The following GPC5 variants were observed in gnomAD, a reference collection of about 807,000 sequenced individuals.
The protein encoded by GPC5 is glypican-5.
In GPC5, 47 loss-of-function variants were observed where a neutral mutation model predicts 53.9. That is an observed-to-expected ratio of 0.87 (90% CI 0.69 to 1.11). The LOEUF (loss-of-function observed/expected upper bound fraction) is 1.11, where lower values mean the gene tolerates loss of function less well. Ranked by LOEUF, GPC5 falls within the 50% of genes most tolerant of loss-of-function variation. The pLI is 0.00. For synonymous variants in GPC5, 286 were observed against 263.3 expected, an observed-to-expected ratio of 1.09 and a Z score of -0.84; for missense variants, 748 against 713.1, an observed-to-expected ratio of 1.05 and a Z score of -0.56.
At chr13:92,083,528 C>T (rs1430447495) in intron 6 of GPC5, among the ~76,000 whole-genome samples, 1 of 152,074 alleles carries the variant, frequency 6.6e-6, no homozygotes, top group Non-Finnish European at 1.5e-5. Flanking sequence ...ACATATGTAA[C>T]AAACCTGCAC....
chr13:91,683,960 G>A (rs2035565366), intron 2 of GPC5, among the ~76,000 whole-genome samples: 1 of 152,200 alleles, frequency 6.6e-6, no homozygotes, highest in Non-Finnish European at 1.5e-5. Context: ...TTCTGCTGAA[G>A]CAGCTGTTAT....
chr13:92,599,578 G>A (rs1227259684), intron 7 of GPC5, among the ~76,000 whole-genome samples: 4 of 152,210 alleles, frequency 2.6e-5, no homozygotes, highest in South Asian at 4.1e-4. Flanking sequence ...CCATATTAAT[G>A]AGTTTGGAAT....
At chr13:92,849,205 A>G (rs981860257) in intron 7 of GPC5, among the ~76,000 whole-genome samples, 1 of 152,044 alleles carries the variant, frequency 6.6e-6, no homozygotes, top group African/African-American at 2.4e-5. Context: ...TGCTCTATGG[A>G]TATCTTCATG....
At chr13:91,635,152 A>G (rs1021369513) in intron 2 of GPC5, among the ~76,000 whole-genome samples, 1 of 152,084 alleles carries the variant, frequency 6.6e-6, no homozygotes, top group African/African-American at 2.4e-5. Flanking sequence ...AGGGCCTCCA[A>G]CCTTAATTTC....
intron 7 of GPC5, among the ~76,000 whole-genome samples, chr13:92,208,219 C>T (rs1028720509): frequency 3.3e-5 from 5 of 152,176 alleles, no homozygotes; most frequent in Admixed American, 6.6e-5. Flanking sequence ...GGGGTTCTTC[C>T]GATGGCATTG....
chr13:91,667,239 C>T (rs3864178), intron 2 of GPC5, among the ~76,000 whole-genome samples: 38,217 of 152,066 alleles, frequency 0.25, 6,663 homozygotes, highest in African/African-American at 0.49. Context: ...TATCACTTAT[C>T]TTGCATAATG....
intron 5 of GPC5, among the ~76,000 whole-genome samples, chr13:91,889,064 G>C (rs2039357100): frequency 6.6e-6 from 1 of 152,164 alleles, no homozygotes; most frequent in African/African-American, 2.4e-5. Flanking sequence ...CTTTTCTTGA[G>C]TGAACTGTGT....
At chr13:91,520,355 C>T (rs1321357716) in intron 2 of GPC5, among the ~76,000 whole-genome samples, 9 of 152,094 alleles carry the variant, frequency 5.9e-5, no homozygotes, top group Non-Finnish European at 1.2e-4. Context: ...AAACATCAGT[C>T]TAGATCTTGC....
chr13:92,081,188 G>A (rs995821051), intron 6 of GPC5, among the ~76,000 whole-genome samples: 9 of 151,862 alleles, frequency 5.9e-5, no homozygotes, highest in African/African-American at 1.2e-4. Flanking sequence ...TGCAACTTCC[G>A]CCTCCCGGGT....
At chr13:91,955,801 A>G (rs982506413) in intron 6 of GPC5, among the ~76,000 whole-genome samples, 7 of 152,116 alleles carry the variant, frequency 4.6e-5, no homozygotes, top group Non-Finnish European at 8.8e-5. Context: ...TCCCCAACAG[A>G]CTGTATCCTG....
At chr13:91,774,810 A>T (rs557452403) in intron 5 of GPC5, among the ~76,000 whole-genome samples, 1 of 152,154 alleles carries the variant, frequency 6.6e-6, no homozygotes, top group Non-Finnish European at 1.5e-5. Flanking sequence ...TCCTGGTGGG[A>T]TCAGAGGAGA....
chr13:92,647,145 G>A (rs4439614), intron 7 of GPC5, among the ~76,000 whole-genome samples: 36,241 of 151,742 alleles, frequency 0.24, 5,029 homozygotes, highest in South Asian at 0.39. Context: ...TAAGACCTCA[G>A]CCTAATGTTG....
At chr13:91,855,815 T>A (rs1233613789) in intron 5 of GPC5, among the ~76,000 whole-genome samples, 9 of 151,604 alleles carry the variant, frequency 5.9e-5, no homozygotes, top group Non-Finnish European at 5.9e-5. Flanking sequence ...ATTTTAGTTT[T>A]TTATTATTAT....
chr13:92,603,722 A>G (rs946792169), intron 7 of GPC5, among the ~76,000 whole-genome samples: 8 of 152,184 alleles, frequency 5.3e-5, no homozygotes, highest in Non-Finnish European at 8.8e-5. Flanking sequence ...TTACATTTGA[A>G]GTGAGTGGTT....
chr13:91,808,065 A>G (rs1343420734), intron 5 of GPC5, among the ~76,000 whole-genome samples: 4 of 152,158 alleles, frequency 2.6e-5, no homozygotes, highest in African/African-American at 9.6e-5. Context: ...GAACCACATT[A>G]TCTATTACTT....
At position 92,632,631 on chromosome 13, in the gene GPC5, C is replaced by G. The variant is rs149562110; in HGVS notation, c.1562-233651C>G. On this transcript the variant is annotated intron_variant, in intron 7 of 7. Coordinates refer to ENST00000377067, the MANE Select transcript of GPC5 (RefSeq NM_004466.6). ...CTAGGACTGTAAACTGTATTTATATCAGATAAAATAGATAAACAATTCTAT... is the reference window on the plus strand; with the variant it reads ...CTAGGACTGTAAACTGTATTTATATGAGATAAAATAGATAAACAATTCTAT... Among the ~76,000 whole-genome samples the G allele has an allele frequency of 5.5e-3, 828 of 151,892 alleles. 28 individuals carry two copies. Among genetic ancestry groups the G allele is most frequent in the Admixed American group, 0.04 (607 of 15,220 alleles).
chr13:91,504,653 C>T (rs1056186025), intron 2 of GPC5, among the ~76,000 whole-genome samples: 4 of 151,980 alleles, frequency 2.6e-5, no homozygotes, highest in South Asian at 2.1e-4. Flanking sequence ...TATGAAAACA[C>T]CGTGTGGTGT....
chr13:91,875,512 G>A (rs2039192554), intron 5 of GPC5, among the ~76,000 whole-genome samples: 1 of 152,120 alleles, frequency 6.6e-6, no homozygotes, highest in Non-Finnish European at 1.5e-5. Flanking sequence ...AGGATGTTTT[G>A]TGGTAATAAA....
At chr13:92,481,762 T>C (rs996712016) in intron 7 of GPC5, among the ~76,000 whole-genome samples, 7 of 151,976 alleles carry the variant, frequency 4.6e-5, no homozygotes, top group Admixed American at 3.9e-4. Flanking sequence ...TCAAATTCTA[T>C]TGGGAGAGAA....
Sources: allele counts gnomAD v4.1 joint callset (sites outside exome capture counted in the v4.1 genomes callset), GRCh38; gene constraint gnomAD v4.1.1; transcripts MANE v1.5; gene names NCBI Gene and HGNC (gene_info 2026-07-23, HGNC 2026-07-21).